Variants in AVEN observed in about 807,000 individuals in gnomAD.
AVEN encodes apoptosis and caspase activation inhibitor.
Under a neutral mutation model 38.1 loss-of-function variants are expected in AVEN, and 41 were observed. The observed-to-expected ratio is 1.08, with a 90% CI of 0.84 to 1.40. The LOEUF is 1.40. AVEN is among the 40% of genes most tolerant of loss of function. The pLI, the probability that AVEN is intolerant of heterozygous loss-of-function variation, is 0.00. For missense variants in AVEN, 605 were observed against 438.8 expected (o/e 1.38, Z -3.38); for synonymous variants, 206 against 171.8 (o/e 1.20, Z -1.56).
intron 2 of AVEN, among the ~76,000 whole-genome samples, chr15:33,911,298 C>T (rs986841723): frequency 6.6e-6 from 1 of 152,250 alleles, no homozygotes; most frequent in African/African-American, 2.4e-5. Context: ...GCCAGACACC[C>T]CTTGAGGAAC....
chr15:33,873,099 T>C (rs1057031073), intron 3 of AVEN, among the ~76,000 whole-genome samples: 5 of 125,596 alleles, frequency 4.0e-5, no homozygotes, highest in Non-Finnish European at 7.0e-5. Context: ...CTTTTCTTTT[T>C]TTTTTTTTTT....
downstream of AVEN, among the ~76,000 whole-genome samples, chr15:33,863,846 T>C (rs960012146): frequency 6.6e-6 from 1 of 152,224 alleles, no homozygotes; most frequent in South Asian, 2.1e-4. Context: ...ATTAGAATTT[T>C]GTTAACAATA....
chr15:34,050,994 A>G (rs1487717151), intron 5 of AVEN, among the ~76,000 whole-genome samples: 1 of 152,250 alleles, frequency 6.6e-6, no homozygotes, highest in Non-Finnish European at 1.5e-5. Context: ...TTCTGAATCA[A>G]GTGGACCTGA....
At chr15:33,896,205 A>G (rs1335600109) in intron 2 of AVEN, among the ~76,000 whole-genome samples, 2 of 152,228 alleles carry the variant, frequency 1.3e-5, no homozygotes, top group Non-Finnish European at 2.9e-5. Context: ...TATGCCATCA[A>G]AAATTACATG....
At chr15:33,948,741 C>T (rs1025807398) in intron 2 of AVEN, among the ~76,000 whole-genome samples, 1 of 151,960 alleles carries the variant, frequency 6.6e-6, no homozygotes, top group Admixed American at 6.5e-5. Context: ...GGCACAATCT[C>T]AGCTCACTGG....
At chr15:34,023,082 G>T (rs1250107813) in intron 1 of AVEN, among the ~76,000 whole-genome samples, 1 of 152,166 alleles carries the variant, frequency 6.6e-6, no homozygotes, top group African/African-American at 2.4e-5. Context: ...AGCTACTCAG[G>T]AGGCTGAGGC....
At chr15:33,858,225 A>G (rs1399731311), downstream of AVEN, 3 of 269,790 alleles carry the variant, frequency 1.1e-5, no homozygotes, top group Non-Finnish European at 2.1e-5. Flanking sequence ...TTTTTTTGAG[A>G]TGGAGTTTTG....
intron 2 of AVEN, among the ~76,000 whole-genome samples, chr15:33,919,300 C>A (rs1484078729): frequency 1.3e-5 from 2 of 152,208 alleles, no homozygotes; most frequent in South Asian, 2.1e-4. Flanking sequence ...TTTCAATACT[C>A]CAAATTTCAA....
intron 2 of AVEN, among the ~76,000 whole-genome samples, chr15:33,917,441 C>CATATATACACACACACAT (rs1893187267): frequency 6.7e-6 from 1 of 149,222 alleles, no homozygotes; most frequent in African/African-American, 2.5e-5. Flanking sequence ...TATATACACA[C>CATATATACACACACACAT]ATATATACAC....
chr15:33,872,991 C>G (rs1386340253), intron 3 of AVEN, among the ~76,000 whole-genome samples: 2 of 152,064 alleles, frequency 1.3e-5, no homozygotes, highest in Non-Finnish European at 2.9e-5. Context: ...GACGCCCGGT[C>G]CCTCTCCTGC....
At chr15:33,893,321 GT>G (rs545325448) in intron 2 of AVEN, among the ~76,000 whole-genome samples, 35 of 152,292 alleles carry the variant, frequency 2.3e-4, no homozygotes, top group African/African-American at 8.2e-4. Flanking sequence ...AATGCTTCCA[GT>G]TTTTGCCCAT....
At chr15:33,947,952 T>C (rs1950631925) in intron 2 of AVEN, among the ~76,000 whole-genome samples, 1 of 152,106 alleles carries the variant, frequency 6.6e-6, no homozygotes, top group South Asian at 2.1e-4. Context: ...TTTAAAGGTT[T>C]TTAAGAATGG....
chr15:34,043,029 C>G (rs8040776), upstream of AVEN, among the ~76,000 whole-genome samples: 73,427 of 151,424 alleles, frequency 0.48, 20,265 homozygotes, highest in African/African-American at 0.76. Flanking sequence ...GGGTGGATCA[C>G]GAGGTCAGGA....
intron 2 of AVEN, among the ~76,000 whole-genome samples, chr15:33,965,113 A>G (rs1372586813): frequency 6.6e-6 from 1 of 152,222 alleles, no homozygotes; most frequent in East Asian, 1.9e-4. Context: ...TTATAAATCC[A>G]AAGAACCAAG....
chr15:34,071,663 C>T (rs1006255304), intron 1 of AVEN, among the ~76,000 whole-genome samples: 1 of 152,148 alleles, frequency 6.6e-6, no homozygotes, highest in Non-Finnish European at 1.5e-5. Flanking sequence ...AGCTATTGAT[C>T]ATGATGTACT....
chr15:33,865,074 G>A (rs3794588), downstream of AVEN: 1 of 1,386,472 alleles, frequency 7.2e-7, no homozygotes, highest in African/African-American at 1.4e-5. Flanking sequence ...AAAACAAACT[G>A]GGTTTTAGCT....
At chr15:33,904,235 T>C (rs964496101) in intron 2 of AVEN, among the ~76,000 whole-genome samples, 2 of 152,130 alleles carry the variant, frequency 1.3e-5, no homozygotes, top group East Asian at 3.9e-4. Context: ...ACCTGGGCAA[T>C]GTAGTGATAC....
At chr15:34,075,181 CAAAAAAAAAAAAAA>C (rs58860397), upstream of AVEN, among the ~76,000 whole-genome samples, 3 of 67,290 alleles carry the variant, frequency 4.5e-5, no homozygotes, top group South Asian at 1.7e-3. Flanking sequence ...GACTCTGGCT[CAAAAAAAAAAAAAA>C]AAAAAAAAAG....
chr15:33,935,680 T>A (rs954229749), intron 2 of AVEN, among the ~76,000 whole-genome samples: 5 of 152,128 alleles, frequency 3.3e-5, no homozygotes, highest in African/African-American at 1.2e-4. Context: ...AGCAGCAATG[T>A]GTATGAATTG....
Sources: allele counts gnomAD v4.1 joint callset (sites outside exome capture counted in the v4.1 genomes callset), GRCh38; gene constraint gnomAD v4.1.1; transcripts MANE v1.5; gene names NCBI Gene and HGNC (gene_info 2026-07-23, HGNC 2026-07-21).